The following UNC79 variants were observed in gnomAD, a reference collection of about 807,000 sequenced individuals.
The protein encoded by UNC79 is protein unc-79 homolog.
Under a neutral mutation model 283.1 loss-of-function variants are expected in UNC79, and 37 were observed. The observed-to-expected ratio is 0.13, with a 90% CI of 0.10 to 0.17. The LOEUF is 0.17. UNC79 is among the 10% of genes least tolerant of loss of function. UNC79 has a pLI of 1.00. For missense variants in UNC79, 2,272 were observed against 3,211.1 expected (o/e 0.71, Z 7.07); for synonymous variants, 1,107 against 1,200.2 (o/e 0.92, Z 1.61).
chr14:93,598,622 A>G lies in UNC79; in HGVS notation c.3372+1082A>G, dbSNP rs533011125. Among the ~76,000 whole-genome samples, 14 of 152,208 alleles carry G rather than the reference A, an allele frequency of 9.2e-5. No homozygotes were observed. The South Asian group carries it at 2.7e-3, about 29-fold the overall frequency. On this transcript the variant is annotated intron_variant, in intron 24 of 48. Transcript: ENST00000555664. ...CTGCAACCTCCGCCTCCCGGGTTCA[A>G]GTGATTCTCATGCCTTAGTCTCCCG...
chr14:93,586,616 A>C (rs1250472024), exon 21 of UNC79: 2 of 1,613,910 alleles, frequency 1.2e-6, no homozygotes, highest in Non-Finnish European at 1.7e-6. Context: ...TGATACCGAA[A>C]GAAAATTTTG....
chr14:93,518,420 T>C (rs947032029), intron 7 of UNC79, among the ~76,000 whole-genome samples: 20 of 152,092 alleles, frequency 1.3e-4, no homozygotes, highest in Admixed American at 3.3e-4. Flanking sequence ...ATTCCTGATA[T>C]TGGTAATTCA....
At chr14:93,673,544 T>A in intron 41 of UNC79, 89 bp downstream of exon 44, 1 of 1,002,702 alleles carries the variant, frequency 1.0e-6, no homozygotes, top group Non-Finnish European at 1.5e-6. Context: ...TGCATAGAAC[T>A]AAATATCTTT....
chr14:93,404,493 A>AAAAAAATATATATATATATATATAT, intron 1 of UNC79, among the ~76,000 whole-genome samples: 92 of 61,448 alleles, frequency 1.5e-3, no homozygotes, highest in African/African-American at 3.0e-3. Flanking sequence ...TTCTAAAAAA[A>AAAAAAATATATATATATATATATAT]ATATATATAT....
At chr14:93,599,607 G>T (rs79067568) in intron 24 of UNC79, among the ~76,000 whole-genome samples, 3,880 of 152,242 alleles carry the variant, frequency 0.025, 61 homozygotes, top group South Asian at 0.086. Flanking sequence ...TGGAACATAG[G>T]AGGCACTCAT....
At chr14:93,409,528 C>A (rs1005673026) in intron 1 of UNC79, among the ~76,000 whole-genome samples, 3 of 151,900 alleles carry the variant, frequency 2.0e-5, no homozygotes, top group African/African-American at 7.3e-5. Context: ...TCCGTCTCTA[C>A]AAAAAATAAA....
Position 93,474,292 on chromosome 14 carries a change from A to T in UNC79, c.347A>T (p.Asp116Val). 1 of 1,536,002 alleles carries T rather than the reference A, an allele frequency of 6.5e-7. No individual in the cohort carries two copies. Among genetic ancestry groups the T allele is most frequent in the Non-Finnish European group, 8.7e-7 (1 of 1,146,858 alleles). The change falls in exon 3 of 49, where the codon GAT (aspartate) becomes GTT (valine). Residue 116 changes from aspartate (D) to valine (V), a missense_variant. By Grantham distance (152) the Asp-to-Val change is radical. This residue lies in a region of UNC79 where 194 missense variants were observed against 268.9 expected (regional missense o/e 0.72). Transcript: ENST00000555664. This position sits in a 1 kb window ranked among gnomAD's most constrained non-coding sequence, Gnocchi z 4.1. ...TCAGAACGCGGCCCGCAAAGTCGTG[A>T]TGCTCAGTTGTCAGACTACCCTTCT... is the stretch of plus-strand genomic sequence containing the variant.
intron 7 of UNC79, among the ~76,000 whole-genome samples, chr14:93,497,499 G>A (rs1047158770): frequency 6.6e-6 from 1 of 152,202 alleles, no homozygotes; most frequent in African/African-American, 2.4e-5. Flanking sequence ...ATTGCCTTAA[G>A]TCTCAGTCCC....
chr14:93,687,623 G>GA (rs777972735), intron 43 of UNC79, among the ~76,000 whole-genome samples: 17 of 152,132 alleles, frequency 1.1e-4, no homozygotes, highest in Non-Finnish European at 1.9e-4. Flanking sequence ...TTGGTACAGT[G>GA]ATAGATTTGC....
intron 5 of UNC79, 93 bp from the exon 6 acceptor site, chr14:93,496,318 G>T: frequency 3.8e-6 from 3 of 790,340 alleles, no homozygotes; most frequent in Non-Finnish European, 5.8e-6. Context: ...AGACTGAAAA[G>T]TCATATTGAA....
At chr14:93,444,966 A>C (rs1243618660) in intron 1 of UNC79, among the ~76,000 whole-genome samples, 1 of 152,216 alleles carries the variant, frequency 6.6e-6, no homozygotes, top group Non-Finnish European at 1.5e-5. Flanking sequence ...TTGGAATGAC[A>C]CATATGTAAA....
chr14:93,599,049 C>A (rs1285062268), intron 24 of UNC79, among the ~76,000 whole-genome samples: 1 of 152,122 alleles, frequency 6.6e-6, no homozygotes, highest in African/African-American at 2.4e-5. Context: ...AAGATTAGAG[C>A]CTCCAAAGTT....
At chr14:93,418,666 G>C (rs2055519758) in intron 1 of UNC79, among the ~76,000 whole-genome samples, 3 of 151,872 alleles carry the variant, frequency 2.0e-5, no homozygotes, top group Non-Finnish European at 4.4e-5. Context: ...GAGCTGTGGT[G>C]GGCTCCACCC....
intron 46 of UNC79, among the ~76,000 whole-genome samples, chr14:93,692,667 C>G (rs1289354126): frequency 2.0e-5 from 3 of 152,176 alleles, no homozygotes; most frequent in Non-Finnish European, 4.4e-5. Context: ...TCTTCAAATC[C>G]AGTACTGTTG....
chr14:93,388,983 G>T (rs1330037778), intron 1 of UNC79, among the ~76,000 whole-genome samples: 5 of 152,128 alleles, frequency 3.3e-5, no homozygotes, highest in Non-Finnish European at 7.4e-5. Flanking sequence ...ATCTCTTTAG[G>T]AATTGATTGG....
intron 1 of UNC79, among the ~76,000 whole-genome samples, chr14:93,418,731 C>T (rs1282949937): frequency 7.2e-5 from 11 of 151,906 alleles, no homozygotes; most frequent in East Asian, 5.8e-4. Flanking sequence ...CAATGGTGGG[C>T]GCCCCTCCCC....
At chr14:93,557,960 T>C (rs2062270623) in intron 14 of UNC79, among the ~76,000 whole-genome samples, 1 of 152,194 alleles carries the variant, frequency 6.6e-6, no homozygotes, top group Non-Finnish European at 1.5e-5. Context: ...ATTTCCACCC[T>C]GTGGATGGCA....
chr14:93,433,739 G>A (rs1005427757), intron 1 of UNC79, among the ~76,000 whole-genome samples: 1 of 152,114 alleles, frequency 6.6e-6, no homozygotes, highest in African/African-American at 2.4e-5. Flanking sequence ...GTTGATAAAG[G>A]TTTCACTGGT....
chr14:93,448,585 G>A (rs1254936270), intron 1 of UNC79, among the ~76,000 whole-genome samples: 1 of 152,128 alleles, frequency 6.6e-6, no homozygotes, highest in Non-Finnish European at 1.5e-5. Context: ...ATTTTGAGTT[G>A]TATCCTGGAT....
Sources: gnomAD v4.1 joint callset for allele counts (sites outside exome capture counted in the v4.1 genomes callset) on GRCh38, gnomAD v4.1.1 for gene constraint, gnomAD v4.1.1 regional missense constraint, Gnocchi (gnomAD v3.1) non-coding constraint, MANE v1.5 for transcripts, NCBI Gene and HGNC (gene_info 2026-07-23, HGNC 2026-07-21) for gene names.